HUNK: variants seen among roughly 807,000 people sequenced by gnomAD.
HUNK encodes hormonally up-regulated Neu-associated kinase.
In HUNK, 21 loss-of-function variants were observed where a neutral mutation model predicts 61.0. The observed-to-expected ratio is 0.34, with a 90% CI of 0.24 to 0.50. The LOEUF (loss-of-function observed/expected upper bound fraction) is 0.50. HUNK is among the 20% of genes least tolerant of loss of function. The pLI, the probability that HUNK is intolerant of heterozygous loss-of-function variation, is 0.98. For synonymous variants in HUNK, 371 were observed against 386.1 expected (o/e 0.96, Z 0.46); for missense variants, 772 against 945.7 (o/e 0.82, Z 2.41).
chr21:31,919,331 G>A (rs1241715188), intron 1 of HUNK, among the ~76,000 whole-genome samples: 1 of 152,182 alleles, frequency 6.6e-6, no homozygotes. Context: ...GAGGAGGATG[G>A]GCTAGAGAAA....
chr21:31,985,789 G>A (rs941765199), intron 8 of HUNK, among the ~76,000 whole-genome samples: 3 of 152,132 alleles, frequency 2.0e-5, no homozygotes, highest in African/African-American at 7.2e-5. Context: ...GAGGTTGCAT[G>A]GATTTGGGGG....
intron 1 of HUNK, among the ~76,000 whole-genome samples, chr21:31,911,795 CCTGCTGTAATG>C (rs899809162): frequency 3.9e-5 from 6 of 152,016 alleles, no homozygotes; most frequent in Admixed American, 1.3e-4. Flanking sequence ...TCATGGATCG[CCTGCTGTAATG>C]CTGCGCCTGT....
At position 31,996,389 on chromosome 21, in the gene HUNK, C is replaced by CGG. The variant is rs879648996; in HGVS notation, c.1486+441_1486+442insGG. Among the ~76,000 whole-genome samples, 1,352 of 152,216 alleles carry CGG rather than the reference C, an allele frequency of 8.9e-3. 8 individuals carry two copies. Among genetic ancestry groups the CGG allele is most frequent in the Middle Eastern group, 0.024 (7 of 294 alleles). Reference sequence around the variant, plus strand: ...CTACTGCCTGCAGAGGTCCAAGTTCCTTTAGTGCTGAGGATCTTCACTGGA... The same window carrying CGG: ...CTACTGCCTGCAGAGGTCCAAGTTCCGGTTTAGTGCTGAGGATCTTCACTGGA... On this transcript the variant is annotated intron_variant, in intron 10 of 10. Coordinates refer to ENST00000270112, the MANE Select transcript of HUNK (RefSeq NM_014586.2).
chr21:31,978,317 A>G (rs2053065378), intron 7 of HUNK, among the ~76,000 whole-genome samples: 1 of 152,234 alleles, frequency 6.6e-6, no homozygotes, highest in Admixed American at 6.5e-5. Flanking sequence ...CAAATTTATC[A>G]TTTATTTGTG....
intron 2 of HUNK, among the ~76,000 whole-genome samples, chr21:31,927,025 AT>A (rs2052665508): frequency 9.7e-5 from 9 of 92,820 alleles, no homozygotes; most frequent in African/African-American, 3.8e-4. Flanking sequence ...TTTCTTTCTT[AT>A]TTCTTTATTT....
intron 3 of HUNK, among the ~76,000 whole-genome samples, chr21:31,944,050 A>G (rs1253209484): frequency 6.6e-6 from 1 of 152,148 alleles, no homozygotes; most frequent in Non-Finnish European, 1.5e-5. Flanking sequence ...ACAACCCTCC[A>G]ATTTAAAGCA....
intron 1 of HUNK, among the ~76,000 whole-genome samples, chr21:31,908,931 T>A (rs546975301): frequency 6.6e-6 from 1 of 152,276 alleles, no homozygotes; most frequent in Non-Finnish European, 1.5e-5. Context: ...TTTTGGGGCA[T>A]ACCAAGATGA....
chr21:31,878,846 T>C (rs1261306366), intron 1 of HUNK, among the ~76,000 whole-genome samples: 1 of 152,182 alleles, frequency 6.6e-6, no homozygotes, highest in Non-Finnish European at 1.5e-5. Context: ...GAACAGACAG[T>C]CCATGCCACT....
chr21:31,928,286 G>A (rs1345664022), intron 2 of HUNK, among the ~76,000 whole-genome samples: 2 of 152,158 alleles, frequency 1.3e-5, no homozygotes, highest in East Asian at 3.8e-4. Flanking sequence ...AGCTTCTCAG[G>A]ATCGCGAGAA....
chr21:31,985,218 A>T lies in HUNK; in HGVS notation c.1257+1609A>T, dbSNP rs556310168. 8.5e-5 allele frequency among the ~76,000 whole-genome samples: 13 copies of T among 152,296 alleles called. No homozygotes were observed. The South Asian group carries it at 1.9e-3, about 22-fold the overall frequency. ...TCCTTCATTTGAGAAGGGATCAAAA[A>T]GGGACCCTTTGTCTATGCCCCAGTG... On this transcript the variant is annotated intron_variant, in intron 8 of 10. Transcript: ENST00000270112.
At chr21:31,942,387 G>T (rs2052774826) in intron 3 of HUNK, among the ~76,000 whole-genome samples, 1 of 152,190 alleles carries the variant, frequency 6.6e-6, no homozygotes. Flanking sequence ...GAACTATCTT[G>T]TGGAATAAGC....
chr21:31,991,660 C>T (rs1359451619), intron 9 of HUNK, among the ~76,000 whole-genome samples: 2 of 152,244 alleles, frequency 1.3e-5, no homozygotes, highest in Non-Finnish European at 2.9e-5. Flanking sequence ...CAGCAGTCAG[C>T]ACTTGGTTCT....
intron 1 of HUNK, among the ~76,000 whole-genome samples, chr21:31,908,511 C>T (rs999685393): frequency 3.0e-4 from 46 of 152,020 alleles, no homozygotes; most frequent in African/African-American, 4.6e-4. Flanking sequence ...ATGAACCGGT[C>T]GGGCAACAGG....
At chr21:31,934,181 C>A (rs569210172) in intron 2 of HUNK, among the ~76,000 whole-genome samples, 5 of 151,002 alleles carry the variant, frequency 3.3e-5, no homozygotes, top group East Asian at 1.9e-4. Context: ...TGAGGCTGGG[C>A]GCGGTGGCTC....
chr21:31,874,483 G>C (rs1037843426), intron 1 of HUNK, among the ~76,000 whole-genome samples: 5 of 151,860 alleles, frequency 3.3e-5, no homozygotes, highest in African/African-American at 1.2e-4. Flanking sequence ...ATGTTTTTTG[G>C]CAGCTAGGGA....
At chr21:31,955,901 G>A (rs1259766309) in intron 4 of HUNK, among the ~76,000 whole-genome samples, 1 of 152,180 alleles carries the variant, frequency 6.6e-6, no homozygotes, top group African/African-American at 2.4e-5. Context: ...ACTCAGAGGT[G>A]GTGAGCAGGG....
At chr21:31,931,669 G>A (rs2052697398) in intron 2 of HUNK, among the ~76,000 whole-genome samples, 1 of 152,020 alleles carries the variant, frequency 6.6e-6, no homozygotes, top group Non-Finnish European at 1.5e-5. Context: ...CTCCTCACTC[G>A]GGGTGTTCAC....
rs562873050 is a variant in HUNK, at chr21:31,904,637, G to T, written c.262-19831G>T. ...TGCTTCCTCTCCGGAGTTTCCGTGG[G>T]TCTTCCGTGTTTTAGATCTATTTCT... is the stretch of plus-strand genomic sequence containing the variant. On this transcript the variant is annotated intron_variant, in intron 1 of 10. Coordinates refer to ENST00000270112, the MANE Select transcript of HUNK (RefSeq NM_014586.2). 4.6e-5 allele frequency among the ~76,000 whole-genome samples: 7 copies of T among 152,258 alleles called. No individual in the cohort carries two copies. The South Asian group carries it at 1.5e-3, about 32-fold the overall frequency.
Position 31,977,842 on chromosome 21 carries a change from G to T in HUNK, c.1173+3125G>T, listed in dbSNP as rs765232685. ...CTCAGGAGGCTGAGGCAGGAGGATC[G>T]CTTGAGCCTGGGAAGTCGAGGCTAA... On this transcript the variant is annotated intron_variant, in intron 7 of 10. Transcript: ENST00000270112. 1.3e-5 allele frequency among the ~76,000 whole-genome samples: 2 copies of T among 152,176 alleles called. 1 individual carries two copies. Among genetic ancestry groups the T allele is most frequent in the Admixed American group, 1.3e-4 (2 of 15,280 alleles).
Sources: gnomAD v4.1 joint callset for allele counts (sites outside exome capture counted in the v4.1 genomes callset) on GRCh38, gnomAD v4.1.1 for gene constraint, MANE v1.5 for transcripts, NCBI Gene and HGNC (gene_info 2026-07-23, HGNC 2026-07-21) for gene names.